The following NRXN3 variants were observed in gnomAD, a reference collection of about 807,000 sequenced individuals.
The protein encoded by NRXN3 is neurexin 3.
Under a neutral mutation model 137.6 loss-of-function variants are expected in NRXN3, and 32 were observed. The ratio of observed to expected loss-of-function variants is 0.23; its 90% CI spans 0.18 to 0.31. The LOEUF (loss-of-function observed/expected upper bound fraction) is 0.31. Among genes scored for constraint, NRXN3 ranks in the 10% least tolerant of loss-of-function variants. The pLI is 1.00. For missense variants in NRXN3, 1,574 were observed against 2,062.5 expected (o/e 0.76, Z 4.59); for synonymous variants, 798 against 784.5 (o/e 1.02, Z -0.29).
At chr14:78,866,257 A>G (rs2099086481) in intron 10 of NRXN3, among the ~76,000 whole-genome samples, 1 of 152,222 alleles carries the variant, frequency 6.6e-6, no homozygotes, top group African/African-American at 2.4e-5. Context: ...CGTTTTCATC[A>G]TCACACTGAA....
intron 4 of NRXN3, among the ~76,000 whole-genome samples, chr14:78,404,119 T>G (rs1317840161): frequency 6.6e-6 from 1 of 152,046 alleles, no homozygotes; most frequent in Non-Finnish European, 1.5e-5. Context: ...TCTCTAATTT[T>G]TCTTGGAAAT....
At chr14:79,831,332 T>C (rs1453233050) in intron 20 of NRXN3, among the ~76,000 whole-genome samples, 1 of 152,200 alleles carries the variant, frequency 6.6e-6, no homozygotes, top group African/African-American at 2.4e-5. Flanking sequence ...TGAGAATTGG[T>C]CACGTACAAG....
intron 4 of NRXN3, among the ~76,000 whole-genome samples, chr14:78,411,857 A>G (rs998488881): frequency 1.3e-5 from 2 of 152,178 alleles, no homozygotes; most frequent in African/African-American, 2.4e-5. Context: ...ATCACATTGG[A>G]TGAGAGGCTG....
intron 8 of NRXN3, among the ~76,000 whole-genome samples, chr14:78,775,438 TA>T (rs1211916244): frequency 3.3e-5 from 5 of 152,332 alleles, no homozygotes; most frequent in African/African-American, 9.6e-5. Flanking sequence ...CACAAATTCA[TA>T]AACTCCTTAA....
At chr14:79,547,407 A>T (rs906056351) in intron 16 of NRXN3, among the ~76,000 whole-genome samples, 3 of 152,218 alleles carry the variant, frequency 2.0e-5, no homozygotes, top group Admixed American at 2.0e-4. Context: ...CACACACATG[A>T]TATGCTGAAA....
intron 15 of NRXN3, among the ~76,000 whole-genome samples, chr14:79,256,884 C>T (rs1387989711): frequency 1.3e-5 from 2 of 152,054 alleles, no homozygotes; most frequent in African/African-American, 4.8e-5. Flanking sequence ...TGTCTGTGTG[C>T]ACATGTGTGT....
chr14:78,503,764 A>G (rs563111896), intron 4 of NRXN3, among the ~76,000 whole-genome samples: 2 of 152,270 alleles, frequency 1.3e-5, no homozygotes, highest in African/African-American at 4.8e-5. Context: ...AAGGAGGAAC[A>G]TCATACTAGA....
chr14:78,775,439 A>G (rs1340468040), intron 8 of NRXN3, among the ~76,000 whole-genome samples: 2 of 152,198 alleles, frequency 1.3e-5, no homozygotes, highest in African/African-American at 2.4e-5. Context: ...ACAAATTCAT[A>G]AACTCCTTAA....
intron 15 of NRXN3, among the ~76,000 whole-genome samples, chr14:79,262,326 G>T (rs895916464): frequency 6.6e-6 from 1 of 151,866 alleles, no homozygotes; most frequent in Non-Finnish European, 1.5e-5. Flanking sequence ...AAAAAAGAAG[G>T]AGGAAGAGGA....
intron 15 of NRXN3, among the ~76,000 whole-genome samples, chr14:79,011,463 T>TA (rs1211756635): frequency 6.7e-6 from 1 of 149,800 alleles, no homozygotes; most frequent in Non-Finnish European, 1.5e-5. Flanking sequence ...CAAGACTGAT[T>TA]AAGAGGACTA....
rs925447084 is a variant in NRXN3 at position 79,865,107 on chromosome 14, A to G, written c.*3143A>G. The G allele has an allele frequency of 5.9e-5, 9 of 152,188 alleles. No homozygotes were observed. The highest frequency in any genetic ancestry group is 1.2e-4 in the African/African-American group (5 of 41,460). 9.4% of individuals were successfully genotyped at this position (152,188 alleles called of 1,614,324 possible). A position where few individuals can be genotyped will look rare whatever the true frequency, so the allele number is the denominator to read the frequency against. ...CCTTTTACGTATTTTCTATAAGTCA[A>G]CAAGCTTTAAACAGTATTTAAAACT... is the stretch of plus-strand genomic sequence containing the variant. On this transcript the variant is annotated 3_prime_UTR_variant, in exon 21 of 21. Coordinates refer to ENST00000335750, the MANE Select transcript of NRXN3 (RefSeq NM_001330195.2).
intron 19 of NRXN3, among the ~76,000 whole-genome samples, chr14:79,712,125 CAGT>C (rs1440826700): frequency 6.6e-6 from 1 of 152,190 alleles, no homozygotes; most frequent in Non-Finnish European, 1.5e-5. Context: ...AAAAGAAAAA[CAGT>C]AGTATCTTTC....
intron 19 of NRXN3, among the ~76,000 whole-genome samples, chr14:79,745,741 G>C (rs1285635946): frequency 6.6e-6 from 1 of 151,416 alleles, no homozygotes; most frequent in East Asian, 2.0e-4. Flanking sequence ...CAAGGTGTCA[G>C]CAGAGCCATG....
At chr14:78,336,341 C>T (rs1250386774) in intron 4 of NRXN3, among the ~76,000 whole-genome samples, 4 of 152,064 alleles carry the variant, frequency 2.6e-5, no homozygotes, top group South Asian at 2.1e-4. Context: ...TGAGTTGACT[C>T]GAAGCTGTGC....
intron 10 of NRXN3, among the ~76,000 whole-genome samples, chr14:78,813,659 A>ATT (rs555087328): frequency 1.3e-5 from 2 of 150,798 alleles, no homozygotes; most frequent in African/African-American, 2.4e-5. Flanking sequence ...GACATCAGCT[A>ATT]TTTTTTTTTC....
chr14:78,961,719 T>C (rs1597937637), intron 11 of NRXN3, among the ~76,000 whole-genome samples: 1 of 152,302 alleles, frequency 6.6e-6, no homozygotes, highest in East Asian at 1.9e-4. Flanking sequence ...TGAAGAAGTC[T>C]TGGAAGCAGA....
intron 15 of NRXN3, among the ~76,000 whole-genome samples, chr14:78,993,964 C>T (rs1317225270): frequency 6.7e-6 from 1 of 149,358 alleles, no homozygotes; most frequent in African/African-American, 2.5e-5. Context: ...ATTCTCTTGC[C>T]TCAGTCTCCT....
At chr14:79,356,802 A>G (rs1241475606) in intron 15 of NRXN3, among the ~76,000 whole-genome samples, 1 of 152,074 alleles carries the variant, frequency 6.6e-6, no homozygotes, top group African/African-American at 2.4e-5. Context: ...ATCTTGGATC[A>G]CTGCAACCTA....
At chr14:78,494,920 G>C (rs1437294644) in intron 4 of NRXN3, among the ~76,000 whole-genome samples, 1 of 152,028 alleles carries the variant, frequency 6.6e-6, no homozygotes, top group South Asian at 2.1e-4. Flanking sequence ...AATCAGACTG[G>C]CCTCTTGATA....
Sources: allele counts gnomAD v4.1 joint callset (sites outside exome capture counted in the v4.1 genomes callset), GRCh38; gene constraint gnomAD v4.1.1; transcripts MANE v1.5; gene names NCBI Gene and HGNC (gene_info 2026-07-23, HGNC 2026-07-21).